Variants in TUBA3C observed in about 807,000 individuals in gnomAD.
TUBA3C encodes tubulin alpha-3C chain.
A neutral mutation model predicts 33.4 loss-of-function variants in TUBA3C; 23 were observed. The ratio of observed to expected loss-of-function variants is 0.69; its 90% CI spans 0.50 to 0.98. TUBA3C has a LOEUF of 0.98. TUBA3C is among the 50% of genes least tolerant of loss of function. The probability of loss-of-function intolerance (pLI) is 0.00; values close to 1 mark genes in which losing one functional copy is unlikely to be tolerated. For synonymous variants in TUBA3C, 269 were observed against 250.4 expected, an observed-to-expected ratio of 1.07 and a Z score of -0.70; for missense variants, 402 against 616.0, an observed-to-expected ratio of 0.65 and a Z score of 3.68.
At chr13:19,178,140 C>T in intron 3 of TUBA3C, 106 bp downstream of exon 3, 1 of 1,523,712 alleles carries the variant, frequency 6.6e-7, no homozygotes, top group Non-Finnish European at 8.9e-7. Flanking sequence ...GCCACCAGAC[C>T]CAGCCAACGC....
At chr13:19,179,914 G>T (rs1869342936) in intron 1 of TUBA3C, among the ~76,000 whole-genome samples, 1 of 152,148 alleles carries the variant, frequency 6.6e-6, no homozygotes, top group Non-Finnish European at 1.5e-5. Flanking sequence ...TTTTGATTAT[G>T]TCCTACCAAA....
At position 19,174,047 on chromosome 13, in the gene TUBA3C, C is replaced by T. The variant is rs768296332; in HGVS notation, c.1169G>A (p.Arg390His). ...CATGAGATCGAACTTATGGTCCAGG[C>T]GAGCCCAGGCCTCCGCGATGGCCGT... Reference protein sequence around the residue: ...NTTAIAEAWARLDHKFDLMYA... With the variant: ...NTTAIAEAWAHLDHKFDLMYA... The change falls in exon 5 of 5, where the codon CGC becomes CAC. Residue 390 changes from arginine to histidine, a missense_variant. Arg to His is a conservative substitution (Grantham distance 29, BLOSUM62 0). Coordinates refer to ENST00000400113, the MANE Select transcript of TUBA3C (RefSeq NM_006001.3). 10 of 1,613,824 alleles carry T rather than the reference C, an allele frequency of 6.2e-6. No homozygotes were observed. Among genetic ancestry groups the T allele is most frequent in the Middle Eastern group, 1.6e-4 (1 of 6,062 alleles).
chr13:19,180,779 G>C (rs572677627), intron 1 of TUBA3C, among the ~76,000 whole-genome samples: 55 of 150,760 alleles, frequency 3.6e-4, no homozygotes, highest in Admixed American at 6.6e-4. Flanking sequence ...ACAGGCGTGA[G>C]CCACAGCGCC....
chr13:19,178,189 A>G, intron 3 of TUBA3C, 57 bp downstream of exon 3: 6 of 1,601,018 alleles, frequency 3.7e-6, no homozygotes, highest in Non-Finnish European at 5.1e-6. Flanking sequence ...CCCCTTCACA[A>G]TCTAAGATCT....
At chr13:19,179,629 A>G (rs1436416242) in intron 1 of TUBA3C, 66 bp from the exon 2 acceptor site, 2 of 1,525,282 alleles carry the variant, frequency 1.3e-6, no homozygotes, top group Admixed American at 2.1e-5. Flanking sequence ...ATGGTATGCA[A>G]AATATTATAA....
In TUBA3C at chr13:19,177,249, T is replaced by C. The variant is rs1248092525; in HGVS notation, c.734A>G (p.Asp245Gly). The stretch of plus-strand genomic sequence containing the variant: ...CGTCAAGTCCACATTCAGGGCCCCG[T>C]CAAATCGCAGGGAGGCCGTGATGGA... ...VSSITASLRF[D>G]GALNVDLTEF... Residue 245 changes from aspartate (D) to glycine (G), a missense_variant, in exon 4 of 5, where the codon GAC becomes GGC. Physicochemically the swap from Asp to Gly is moderately conservative, Grantham distance 94. Coordinates refer to ENST00000400113, the MANE Select transcript of TUBA3C (RefSeq NM_006001.3). The surrounding 1 kb of genome is among the most constrained non-coding windows in gnomAD (Gnocchi z 5.0). 10 of 1,613,862 alleles carry C rather than the reference T, an allele frequency of 6.2e-6. No homozygotes were observed. Among genetic ancestry groups the C allele is most frequent in the African/African-American group, 4.0e-5 (3 of 74,852 alleles).
At chr13:19,178,840 G>C (rs1157193144) in intron 2 of TUBA3C, among the ~76,000 whole-genome samples, 2 of 152,180 alleles carry the variant, frequency 1.3e-5, no homozygotes, top group African/African-American at 4.8e-5. Flanking sequence ...GGCCCCACAG[G>C]CTTTCAGGTG....
chr13:19,181,406 A>G (rs189412498), intron 1 of TUBA3C, among the ~76,000 whole-genome samples: 215 of 152,242 alleles, frequency 1.4e-3, no homozygotes, highest in African/African-American at 4.7e-3. Context: ...TAGGACAGAG[A>G]CATTTGGAGA....
At position 19,178,377 on chromosome 13, in the gene TUBA3C, T is replaced by C; in HGVS notation, c.244A>G (p.Thr82Ala). 1 of 1,614,000 alleles carries C rather than the reference T, an allele frequency of 6.2e-7. No homozygotes were observed. Among genetic ancestry groups the C allele is most frequent in the Non-Finnish European group, 8.5e-7 (1 of 1,179,956 alleles). ...TCTGGGTGGAAGAGCTGCCTATAGG[T>C]TCCTGTGCGCACTTCATCTACAAAA... ...PTVVDEVRTG[T>A]YRQLFHPEQL... is the part of the protein sequence containing the mutation. Residue 82 changes from threonine (T) to alanine (A), a missense_variant, in exon 3 of 5, where the codon ACC becomes GCC. Physicochemically the swap from Thr to Ala is moderately conservative, Grantham distance 58. Coordinates refer to ENST00000400113, the MANE Select transcript of TUBA3C (RefSeq NM_006001.3).
chr13:19,179,604 GC>G, intron 1 of TUBA3C, 41 bp from the exon 2 acceptor site: 1 of 1,594,306 alleles, frequency 6.3e-7, no homozygotes, highest in East Asian at 2.2e-5. Flanking sequence ...TCATTTCAAG[GC>G]AACTTGAAGC....
rs141224369 is a variant in TUBA3C, at chr13:19,173,950, G to A, written c.1266C>T (p.Arg422=). The A allele has an allele frequency of 6.0e-5, 96 of 1,609,242 alleles. No individual in the cohort carries two copies. Among genetic ancestry groups the A allele is most frequent in the Middle Eastern group, 1.7e-4 (1 of 6,052 alleles). Reference sequence around the variant, plus strand: ...CCTTCTCCAGAGCTGCCAGGTCCTCGCGGGCCTCAGAGAACTCCCCCTCCT... The same window carrying A: ...CCTTCTCCAGAGCTGCCAGGTCCTCACGGGCCTCAGAGAACTCCCCCTCCT... ...GMEEGEFSEA[R]EDLAALEKDY... The change falls in exon 5 of 5, where the codon CGC becomes CGT. Residue 422 remains arginine (R), a synonymous_variant. Coordinates refer to ENST00000400113, the MANE Select transcript of TUBA3C (RefSeq NM_006001.3).
intron 2 of TUBA3C, 31 bp downstream of exon 2, chr13:19,179,310 G>A (rs768745127): frequency 7.4e-6 from 12 of 1,612,494 alleles, no homozygotes; most frequent in Admixed American, 5.0e-5. Flanking sequence ...ACCCTCCTAA[G>A]AAAGCTGCCA....
Position 19,181,809 on chromosome 13 carries a change from G to T in TUBA3C, c.-62C>A, listed in dbSNP as rs1041038747. 1 of 1,592,816 alleles carries T rather than the reference G, an allele frequency of 6.3e-7. No individual in the cohort carries two copies. Among genetic ancestry groups the T allele is most frequent in the Non-Finnish European group, 8.5e-7 (1 of 1,174,392 alleles). ...CTTGACCTCAACCGCCGCTGCAGCTGCGCACGCCCAACGACAGCCTCCCGC... is the reference window on the plus strand; with the variant it reads ...CTTGACCTCAACCGCCGCTGCAGCTTCGCACGCCCAACGACAGCCTCCCGC... On this transcript the variant is annotated 5_prime_UTR_variant, in exon 1 of 5. Coordinates refer to ENST00000400113, the MANE Select transcript of TUBA3C (RefSeq NM_006001.3).
rs1167751037 is a variant in TUBA3C at position 19,177,275 on chromosome 13, G to A, written c.708C>T (p.Ser236=). The A allele has an allele frequency of 6.2e-7, 1 of 1,614,156 alleles. No individual in the cohort carries two copies. Among genetic ancestry groups the A allele is most frequent in the Non-Finnish European group, 8.5e-7 (1 of 1,180,044 alleles). Residue 236 remains serine, a synonymous_variant, in exon 4 of 5, where the codon TCC becomes TCT. Coordinates refer to ENST00000400113, the MANE Select transcript of TUBA3C (RefSeq NM_006001.3). The surrounding 1 kb of genome is among the most constrained non-coding windows in gnomAD (Gnocchi z 5.0). ...CAAATCGCAGGGAGGCCGTGATGGAGGACACGATCTGCCCAATCAGGCGAT... is the reference window on the plus strand; with the variant it reads ...CAAATCGCAGGGAGGCCGTGATGGAAGACACGATCTGCCCAATCAGGCGAT... ...NLNRLIGQIV[S]SITASLRFDG...
chr13:19,179,236 T>G, intron 2 of TUBA3C, 105 bp downstream of exon 2: 1 of 1,513,290 alleles, frequency 6.6e-7, no homozygotes, highest in South Asian at 1.3e-5. Context: ...TGCTTGTCTA[T>G]CTCATACCTT....
rs556673694 is a variant in TUBA3C, at chr13:19,174,890, G to A, written c.1057-731C>T. 8.2e-4 allele frequency among the ~76,000 whole-genome samples: 124 copies of A among 151,936 alleles called. 1 individual carries two copies. Among genetic ancestry groups the A allele is most frequent in the Non-Finnish European group, 2.2e-4 (15 of 67,966 alleles). On this transcript the variant is annotated intron_variant, in intron 4 of 4. Coordinates refer to ENST00000400113, the MANE Select transcript of TUBA3C (RefSeq NM_006001.3). ...GGTGGGAGGATTGCTTGAGCCTGGA[G>A]GGCAGAGGTTCCAATGAGCTGAGAT...
intron 1 of TUBA3C, 73 bp from the exon 2 acceptor site, chr13:19,179,636 A>G (rs9511926): frequency 1.3e-6 from 2 of 1,488,136 alleles, no homozygotes; most frequent in Admixed American, 2.2e-5. Context: ...GCAAAATATT[A>G]TAATTTAATA....
chr13:19,181,633 C>T, intron 1 of TUBA3C, 112 bp downstream of exon 1: 3 of 1,505,012 alleles, frequency 2.0e-6, no homozygotes, highest in South Asian at 1.1e-5. Flanking sequence ...TCTCTGACCT[C>T]CTTTCTGCAC....
In TUBA3C at chr13:19,174,106, C is replaced by T; in HGVS notation, c.1110G>A (p.Lys370=). The T allele has an allele frequency of 6.2e-7, 1 of 1,614,030 alleles. No individual in the cohort carries two copies. The highest frequency in any genetic ancestry group is 8.5e-7 in the Non-Finnish European group (1 of 1,180,028). The change falls in exon 5 of 5, where the codon AAG becomes AAA. Residue 370 remains lysine (K), a synonymous_variant. Transcript: ENST00000400113. The part of the protein sequence containing the change: ...PTVVPGGDLA[K]VQRAVCMLSN... Reference sequence around the variant, plus strand: ...TCAGCATGCACACAGCCCGCTGCACCTTGGCCAGGTCTCCCCCAGGGACCA... The same window carrying T: ...TCAGCATGCACACAGCCCGCTGCACTTTGGCCAGGTCTCCCCCAGGGACCA...
Sources: gnomAD v4.1 joint callset for allele counts (sites outside exome capture counted in the v4.1 genomes callset) on GRCh38, gnomAD v4.1.1 for gene constraint, Gnocchi (gnomAD v3.1) non-coding constraint, MANE v1.5 for transcripts, NCBI Gene and HGNC (gene_info 2026-07-23, HGNC 2026-07-21) for gene names.